RANBP2: variants seen among roughly 807,000 people sequenced by gnomAD.
RANBP2 encodes the protein RAN binding protein 2.
In RANBP2, 57 loss-of-function variants were observed where a neutral mutation model predicts 303.6. That is an observed-to-expected ratio of 0.19 (90% CI 0.15 to 0.23). The LOEUF is 0.23. Among genes scored for constraint, RANBP2 ranks in the 10% least tolerant of loss-of-function variants. The pLI, the probability that RANBP2 is intolerant of heterozygous loss-of-function variation, is 1.00. For synonymous variants in RANBP2, 1,167 were observed against 1,301.5 expected (o/e 0.90, Z 2.23); for missense variants, 3,138 against 3,780.8 (o/e 0.83, Z 4.46).
the RANBP2 span, chr2:109,437,055 C>G: frequency 6.2e-7 from 1 of 1,613,842 alleles, no homozygotes; most frequent in Non-Finnish European, 8.5e-7. Context: ...AGGCCCACGC[C>G]CAGCACCCCA....
the RANBP2 span, among the ~76,000 whole-genome samples, chr2:108,803,327 C>A: frequency 1.3e-5 from 2 of 152,216 alleles, no homozygotes; most frequent in Admixed American, 1.3e-4. Context: ...GCGGGATTCT[C>A]CCCACACTCT....
chr2:108,829,757 G>A, the RANBP2 span, among the ~76,000 whole-genome samples: 1 of 152,066 alleles, frequency 6.6e-6, no homozygotes, highest in Non-Finnish European at 1.5e-5. Flanking sequence ...ACATACATAT[G>A]TACATATATA....
the RANBP2 span, among the ~76,000 whole-genome samples, chr2:108,977,663 C>T: frequency 2.0e-5 from 3 of 152,076 alleles, no homozygotes; most frequent in African/African-American, 7.2e-5. Context: ...CCTCCTGGGA[C>T]CCGGCTCTCA....
chr2:109,577,116 C>A, the RANBP2 span, among the ~76,000 whole-genome samples: 1 of 152,022 alleles, frequency 6.6e-6, no homozygotes, highest in Non-Finnish European at 1.5e-5. Flanking sequence ...AGGGAGACTT[C>A]TTAATAGCAA....
At chr2:108,943,838 C>T in the RANBP2 span, among the ~76,000 whole-genome samples, 5 of 152,198 alleles carry the variant, frequency 3.3e-5, no homozygotes, top group East Asian at 1.9e-4. Context: ...GATGCCAGCC[C>T]GGGGCTGAGC....
the RANBP2 span, chr2:108,910,679 G>T: frequency 6.8e-7 from 1 of 1,468,508 alleles, no homozygotes. Flanking sequence ...GGTTCAGCAT[G>T]TGAGAGCAGA....
chr2:109,486,570 C>T, the RANBP2 span, among the ~76,000 whole-genome samples: 9 of 152,300 alleles, frequency 5.9e-5, no homozygotes, highest in Non-Finnish European at 1.0e-4. Context: ...CCTTTAAAAG[C>T]GCTCCTATAG....
chr2:108,757,807 A>G (rs1244731324), intron 17 of RANBP2, among the ~76,000 whole-genome samples: 2 of 152,186 alleles, frequency 1.3e-5, no homozygotes, highest in Non-Finnish European at 2.9e-5. Flanking sequence ...AACGTCAGAA[A>G]GGTTAATGTA....
chr2:109,073,349 T>C, the RANBP2 span, among the ~76,000 whole-genome samples: 2 of 152,042 alleles, frequency 1.3e-5, no homozygotes, highest in Admixed American at 1.3e-4. Flanking sequence ...TCATTGGCAA[T>C]CATTCAGTCA....
At chr2:109,654,499 A>G in the RANBP2 span, among the ~76,000 whole-genome samples, 6 of 151,852 alleles carry the variant, frequency 4.0e-5, no homozygotes, top group African/African-American at 1.5e-4. Context: ...CTTCATTACT[A>G]CCATATCCAT....
rs752041443 is a variant in RANBP2, at chr2:108,764,250, G to A, written c.3711G>A (p.Glu1237=). ...SGKIRLLMRR[E]QVLKICANHY... ...AAATTCGCCTTCTAATGAGACGAGA[G>A]CAAGTATTGAAAATCTGTGCAAATC... The change falls in exon 20 of 29, where the codon GAG becomes GAA. Residue 1237 remains glutamate, a synonymous_variant. Coordinates refer to ENST00000283195, the MANE Select transcript of RANBP2 (RefSeq NM_006267.5). The A allele has an allele frequency of 6.8e-6, 11 of 1,614,004 alleles. No individual in the cohort carries two copies. In the Admixed American group the frequency reaches 1.8e-4, roughly 27 times the overall value.
the RANBP2 span, among the ~76,000 whole-genome samples, chr2:108,826,797 A>G: frequency 6.6e-6 from 1 of 152,162 alleles, no homozygotes; most frequent in African/African-American, 2.4e-5. Context: ...TGGGATTTTG[A>G]TTAAGGACTG....
the RANBP2 span, among the ~76,000 whole-genome samples, chr2:109,041,222 T>A: frequency 6.6e-6 from 1 of 152,226 alleles, no homozygotes; most frequent in Admixed American, 6.5e-5. Context: ...ATCTGTATAT[T>A]CTTTTGCATT....
At chr2:108,758,594 A>G in intron 18 of RANBP2, 46 bp downstream of exon 18, 1 of 1,610,082 alleles carries the variant, frequency 6.2e-7, no homozygotes, top group Non-Finnish European at 8.5e-7. Flanking sequence ...AAACTACTTT[A>G]CTTCCCTCTT....
the RANBP2 span, among the ~76,000 whole-genome samples, chr2:109,656,537 A>C: frequency 5.3e-5 from 8 of 152,102 alleles, no homozygotes; most frequent in Non-Finnish European, 2.9e-5. Flanking sequence ...ACAGGGTTTC[A>C]CCATGTTGGC....
At chr2:108,786,699 T>G (rs1466786136), downstream of RANBP2, 53 of 927,462 alleles carry the variant, frequency 5.7e-5, no homozygotes, top group East Asian at 1.4e-3. Flanking sequence ...GCCCCGCCCT[T>G]TCCCTGCCGC....
chr2:108,885,373 A>T, the RANBP2 span: 1 of 152,172 alleles, frequency 6.6e-6, no homozygotes, highest in South Asian at 2.1e-4. Context: ...GATGATTGTT[A>T]TTTCATTACC....
the RANBP2 span, among the ~76,000 whole-genome samples, chr2:109,658,916 C>T: frequency 1.3e-5 from 2 of 152,018 alleles, no homozygotes; most frequent in African/African-American, 4.8e-5. Context: ...AATACAAAAA[C>T]TAGCTGGGTG....
At chr2:109,120,844 C>A in the RANBP2 span, among the ~76,000 whole-genome samples, 2 of 152,124 alleles carry the variant, frequency 1.3e-5, no homozygotes, top group African/African-American at 4.8e-5. Flanking sequence ...AAGGGAAACA[C>A]TCAAGTACTT....
Sources: allele counts gnomAD v4.1 joint callset (sites outside exome capture counted in the v4.1 genomes callset), GRCh38; gene constraint gnomAD v4.1.1; transcripts MANE v1.5; gene names NCBI Gene and HGNC (gene_info 2026-07-23, HGNC 2026-07-21).